ZNG1B: variants seen among roughly 807,000 people sequenced by gnomAD.
ZNG1B encodes the protein Zn regulated GTPase metalloprotein activator 1B, also known as zinc-regulated GTPase metalloprotein activator 1B.
chr2:113,437,710 G>T, the ZNG1B span: 2 of 1,516,852 alleles, frequency 1.3e-6, no homozygotes, highest in Non-Finnish European at 1.8e-6. Flanking sequence ...GGCGCTTCTC[G>T]TCCAGAGCCC....
the ZNG1B span, among the ~76,000 whole-genome samples, chr2:113,472,884 TGTAGCCTTGTAGTATA>T: frequency 2.6e-5 from 4 of 151,754 alleles, no homozygotes; most frequent in African/African-American, 9.7e-5. Flanking sequence ...TTTTGGTTAC[TGTAGCCTTGTAGTATA>T]GTTTGAAGTC....
chr2:113,486,649 G>A, the ZNG1B span, among the ~76,000 whole-genome samples: 3 of 152,202 alleles, frequency 2.0e-5, no homozygotes, highest in African/African-American at 4.8e-5. Flanking sequence ...CCAGCTACTC[G>A]AGAGGCTGAA....
At chr2:113,447,871 T>G in the ZNG1B span, 9 of 453,914 alleles carry the variant, frequency 2.0e-5, no homozygotes, top group African/African-American at 1.8e-4. Context: ...CTAGTTCTCT[T>G]ACTGTTTCCA....
the ZNG1B span, among the ~76,000 whole-genome samples, chr2:113,472,499 A>G: frequency 4.6e-5 from 7 of 151,756 alleles, no homozygotes; most frequent in South Asian, 2.1e-4. Flanking sequence ...ATTAGATCCC[A>G]TCTGTCAATT....
At chr2:113,442,093 A>T in the ZNG1B span, among the ~76,000 whole-genome samples, 2 of 152,118 alleles carry the variant, frequency 1.3e-5, no homozygotes, top group Admixed American at 1.3e-4. Flanking sequence ...CTCTATTGCA[A>T]CTCATGAAAA....
chr2:113,439,105 G>C, the ZNG1B span: 4 of 1,535,288 alleles, frequency 2.6e-6, no homozygotes, highest in Non-Finnish European at 3.5e-6. Flanking sequence ...GGCCTTTCCC[G>C]TATTGCTCAC....
chr2:113,472,277 G>A, the ZNG1B span, among the ~76,000 whole-genome samples: 5 of 152,114 alleles, frequency 3.3e-5, no homozygotes, highest in South Asian at 6.2e-4. Context: ...CTGCATAAAT[G>A]TCTTCTTTTG....
the ZNG1B span, among the ~76,000 whole-genome samples, chr2:113,439,864 C>T: frequency 2.7e-5 from 4 of 150,476 alleles, no homozygotes; most frequent in South Asian, 4.2e-4. Context: ...TCCATTCCCC[C>T]CTTCCCTTAA....
the ZNG1B span, among the ~76,000 whole-genome samples, chr2:113,440,949 C>T: frequency 1.4e-5 from 2 of 143,448 alleles, no homozygotes; most frequent in Non-Finnish European, 3.0e-5. Flanking sequence ...GTTGACACTA[C>T]CTGGCTCTAT....
chr2:113,452,406 C>T, the ZNG1B span, among the ~76,000 whole-genome samples: 1,936 of 150,764 alleles, frequency 0.013, 18 homozygotes, highest in Non-Finnish European at 0.019. Context: ...ACAGCCCTGT[C>T]ACTAACTGGG....
chr2:113,446,050 C>T, the ZNG1B span, among the ~76,000 whole-genome samples: 3 of 151,480 alleles, frequency 2.0e-5, no homozygotes, highest in Admixed American at 2.0e-4. Flanking sequence ...TCATACCTTT[C>T]TGATAAATCT....
chr2:113,441,257 C>T, the ZNG1B span: 5 of 1,403,372 alleles, frequency 3.6e-6, no homozygotes, highest in Admixed American at 1.2e-4. Flanking sequence ...AAAAATAGCA[C>T]GCAAATTCTC....
At chr2:113,442,630 G>A in the ZNG1B span, among the ~76,000 whole-genome samples, 1 of 151,812 alleles carries the variant, frequency 6.6e-6, no homozygotes, top group Non-Finnish European at 1.5e-5. Flanking sequence ...ATTTTTTCCT[G>A]GATCATTTTC....
chr2:113,490,335 C>A, the ZNG1B span, among the ~76,000 whole-genome samples: 1 of 152,230 alleles, frequency 6.6e-6, no homozygotes, highest in African/African-American at 2.4e-5. Context: ...AACCTATCAA[C>A]CTCTGGGATA....
the ZNG1B span, among the ~76,000 whole-genome samples, chr2:113,449,494 CAT>C: frequency 2.0e-5 from 3 of 147,590 alleles, no homozygotes; most frequent in East Asian, 4.1e-4. Context: ...TCATGTTGAT[CAT>C]ATTCTTTATG....
the ZNG1B span, among the ~76,000 whole-genome samples, chr2:113,461,395 T>A: frequency 6.6e-4 from 101 of 152,096 alleles, no homozygotes; most frequent in African/African-American, 2.3e-3. Flanking sequence ...ACTTAAGTAT[T>A]TTTGTAACTT....
At chr2:113,477,957 T>A in the ZNG1B span, among the ~76,000 whole-genome samples, 2 of 152,258 alleles carry the variant, frequency 1.3e-5, no homozygotes, top group Non-Finnish European at 2.9e-5. Flanking sequence ...TAGCATAAAG[T>A]CACCAAGGTT....
At chr2:113,440,856 T>C in the ZNG1B span, among the ~76,000 whole-genome samples, 1 of 144,334 alleles carries the variant, frequency 6.9e-6, no homozygotes. Flanking sequence ...TACTGGAGAT[T>C]GACATATTGG....
At chr2:113,484,369 A>G in the ZNG1B span, among the ~76,000 whole-genome samples, 6 of 149,664 alleles carry the variant, frequency 4.0e-5, no homozygotes, top group African/African-American at 1.2e-4. Flanking sequence ...CACCTCTTAA[A>G]TGAGGGTCTT....
Sources: allele counts gnomAD v4.1 joint callset (sites outside exome capture counted in the v4.1 genomes callset), GRCh38; gene constraint gnomAD v4.1.1; transcripts MANE v1.5; gene names NCBI Gene and HGNC (gene_info 2026-07-23, HGNC 2026-07-21).